The following KIF26B variants were observed in gnomAD, a reference collection of about 807,000 sequenced individuals.
KIF26B encodes the protein kinesin family member 26B, also known as kinesin-like protein KIF26B.
A neutral mutation model predicts 151.2 loss-of-function variants in KIF26B; 63 were observed. The ratio of observed to expected loss-of-function variants is 0.42; its 90% confidence interval spans 0.34 to 0.51. KIF26B has a LOEUF of 0.51. Ranked by LOEUF, KIF26B falls within the 20% of genes least tolerant of loss-of-function variation. The probability of loss-of-function intolerance (pLI) is 0.07; values close to 1 mark genes in which losing one functional copy is unlikely to be tolerated. For missense variants in KIF26B, 2,813 were observed against 2,913.6 expected, an observed-to-expected ratio of 0.97 and a Z score of 0.79; for synonymous variants, 1,357 against 1,262.1, an observed-to-expected ratio of 1.08 and a Z score of -1.59.
At chr1:245,680,964 G>C (rs77510688) in intron 10 of KIF26B, among the ~76,000 whole-genome samples, 1 of 152,066 alleles carries the variant, frequency 6.6e-6, no homozygotes, top group African/African-American at 2.4e-5. Flanking sequence ...TGCTGTAAAC[G>C]GCCCCCAAGA....
intron 3 of KIF26B, among the ~76,000 whole-genome samples, chr1:245,413,613 A>G (rs1226222302): frequency 1.3e-5 from 2 of 152,226 alleles, no homozygotes; most frequent in African/African-American, 4.8e-5. Flanking sequence ...CAGTGAGCCG[A>G]GATTGCACCA....
chr1:245,370,887 G>A (rs917281151), intron 3 of KIF26B, among the ~76,000 whole-genome samples: 2 of 152,254 alleles, frequency 1.3e-5, no homozygotes, highest in Non-Finnish European at 1.5e-5. Context: ...ACTGTGCTAG[G>A]TGGTGGGTGG....
chr1:245,646,374 G>GCACTGA, intron 10 of KIF26B, 94 bp downstream of exon 10: 1 of 1,333,482 alleles, frequency 7.5e-7, no homozygotes, highest in Non-Finnish European at 1.0e-6. Context: ...GCCACAGAGG[G>GCACTGA]ACAGCCTGGA....
chr1:245,530,821 C>T (rs1243543349), intron 4 of KIF26B, among the ~76,000 whole-genome samples: 2 of 152,206 alleles, frequency 1.3e-5, no homozygotes, highest in Non-Finnish European at 2.9e-5. Context: ...TAATACAGAG[C>T]AGCTGCTGGG....
chr1:245,356,471 T>C (rs981196438), intron 2 of KIF26B, among the ~76,000 whole-genome samples: 2 of 151,838 alleles, frequency 1.3e-5, no homozygotes, highest in African/African-American at 2.4e-5. Flanking sequence ...GCAGGAGAAT[T>C]GCTTGAACCT....
intron 4 of KIF26B, among the ~76,000 whole-genome samples, chr1:245,499,778 G>A (rs1168636030): frequency 2.6e-5 from 4 of 152,218 alleles, no homozygotes; most frequent in African/African-American, 9.6e-5. Flanking sequence ...GCTGGACAGA[G>A]GCCTTGTTTT....
At chr1:245,156,791 A>G in intron 2 of KIF26B, 108 bp downstream of exon 2, 1 of 645,668 alleles carries the variant, frequency 1.5e-6, no homozygotes, top group Non-Finnish European at 2.3e-6. Context: ...GCTCCACGCG[A>G]GAGCCCCCGG....
chr1:245,277,797 C>T (rs1239627595), intron 2 of KIF26B, among the ~76,000 whole-genome samples: 1 of 152,068 alleles, frequency 6.6e-6, no homozygotes, highest in African/African-American at 2.4e-5. Context: ...GGGAAGGGGG[C>T]TTGGAGTAGA....
At chr1:245,198,134 A>AT (rs1357080861) in intron 2 of KIF26B, among the ~76,000 whole-genome samples, 1 of 152,210 alleles carries the variant, frequency 6.6e-6, no homozygotes, top group Non-Finnish European at 1.5e-5. Context: ...TCACTGAGGC[A>AT]TTGTGCCAGG....
intron 3 of KIF26B, among the ~76,000 whole-genome samples, chr1:245,381,342 A>C (rs1673403293): frequency 6.6e-6 from 1 of 152,140 alleles, no homozygotes; most frequent in Admixed American, 6.5e-5. Context: ...CATACAAAAA[A>C]TGTGTCATCT....
intron 2 of KIF26B, among the ~76,000 whole-genome samples, chr1:245,309,919 TAA>T (rs1413506637): frequency 2.0e-5 from 3 of 146,530 alleles, no homozygotes; most frequent in Admixed American, 6.9e-5. Flanking sequence ...ACTATATATA[TAA>T]ATCAATAAAT....
chr1:245,293,854 A>AG (rs1671294941), intron 2 of KIF26B, among the ~76,000 whole-genome samples: 1 of 152,220 alleles, frequency 6.6e-6, no homozygotes, highest in Non-Finnish European at 1.5e-5. Context: ...CTGGGATTAC[A>AG]GGCGTGAGCT....
chr1:245,458,870 C>A (rs988212366), intron 4 of KIF26B, among the ~76,000 whole-genome samples: 11 of 152,114 alleles, frequency 7.2e-5, no homozygotes, highest in African/African-American at 2.7e-4. Flanking sequence ...TGACGTGAGC[C>A]CAGTTAGGAG....
At chr1:245,565,083 G>A (rs934688778) in intron 5 of KIF26B, among the ~76,000 whole-genome samples, 9 of 152,152 alleles carry the variant, frequency 5.9e-5, no homozygotes, top group Non-Finnish European at 1.2e-4. Context: ...GCTGCAATGA[G>A]CTATGATTGT....
chr1:245,404,054 C>G (rs1284690527), intron 3 of KIF26B, among the ~76,000 whole-genome samples: 1 of 152,174 alleles, frequency 6.6e-6, no homozygotes, highest in Non-Finnish European at 1.5e-5. Context: ...CATGGAAACA[C>G]TGCAGACTTC....
intron 2 of KIF26B, among the ~76,000 whole-genome samples, chr1:245,356,467 G>T (rs971484133): frequency 1.9e-4 from 29 of 152,084 alleles, no homozygotes; most frequent in African/African-American, 6.5e-4. Context: ...TGAGGCAGGA[G>T]AATTGCTTGA....
intron 4 of KIF26B, among the ~76,000 whole-genome samples, chr1:245,524,794 C>T (rs940383099): frequency 6.6e-6 from 1 of 151,732 alleles, no homozygotes; most frequent in Non-Finnish European, 1.5e-5. Flanking sequence ...TAGCCGAGGC[C>T]CCCCTTATCT....
At chr1:245,181,914 C>T (rs1668915389) in intron 2 of KIF26B, among the ~76,000 whole-genome samples, 1 of 152,076 alleles carries the variant, frequency 6.6e-6, no homozygotes, top group African/African-American at 2.4e-5. Context: ...GGGTGCAGGC[C>T]TAACTGTTGT....
chr1:245,416,388 A>G (rs1674422100), intron 3 of KIF26B, among the ~76,000 whole-genome samples: 1 of 152,166 alleles, frequency 6.6e-6, no homozygotes, highest in Admixed American at 6.5e-5. Flanking sequence ...GATACACGTG[A>G]GCAGTAGAAA....
Sources: gnomAD v4.1 joint callset for allele counts (sites outside exome capture counted in the v4.1 genomes callset) on GRCh38, gnomAD v4.1.1 for gene constraint, MANE v1.5 for transcripts, NCBI Gene and HGNC (gene_info 2026-07-23, HGNC 2026-07-21) for gene names.